RERE: variants seen among roughly 807,000 people sequenced by gnomAD.
The protein encoded by RERE is arginine-glutamic acid dipeptide repeats protein.
Under a neutral mutation model 146.1 loss-of-function variants are expected in RERE, and 40 were observed. That is an observed-to-expected ratio of 0.27 (90% CI 0.21 to 0.36). The LOEUF (loss-of-function observed/expected upper bound fraction) is 0.36, where lower values mean the gene tolerates loss of function less well. Among genes scored for constraint, RERE ranks in the 10% least tolerant of loss-of-function variants. RERE has a pLI of 1.00. For missense variants in RERE, 1,933 were observed against 2,138.7 expected (o/e 0.90, Z 1.90); for synonymous variants, 1,003 against 866.0 (o/e 1.16, Z -2.78).
chr1:8,677,750 C>T (rs761717137), intron 1 of RERE, among the ~76,000 whole-genome samples: 3 of 152,124 alleles, frequency 2.0e-5, no homozygotes, highest in Non-Finnish European at 2.9e-5. Context: ...AATAATATGA[C>T]GTATCTCATG....
intron 4 of RERE, among the ~76,000 whole-genome samples, chr1:8,583,743 G>T (rs1017294782): frequency 6.6e-6 from 1 of 151,872 alleles, no homozygotes; most frequent in Non-Finnish European, 1.5e-5. Context: ...AAATGAAAGT[G>T]AAGGAGAGGA....
Position 8,364,122 on chromosome 1 carries a change from G to A in RERE, c.1674C>T (p.Pro558=), listed in dbSNP as rs372438002. The change falls in exon 15 of 23, where the codon CCC becomes CCT. Residue 558 remains proline, a synonymous_variant. Coordinates refer to ENST00000400908, the MANE Select transcript of RERE (RefSeq NM_001042681.2). The surrounding 1 kb of genome is among the most constrained non-coding windows in gnomAD (Gnocchi z 5.1). ...TGAGCCCATCATCCTCTTCCTTGAC[G>A]GGTTTGAACATAAACGGTGGCGGGT... ...PVDPPPFMFK[P]VKEEDDGLSG... 45 of 1,614,146 alleles carry A rather than the reference G, an allele frequency of 2.8e-5. No homozygotes were observed. In the Admixed American group the frequency reaches 4.8e-4, roughly 17 times the overall value.
At chr1:8,499,516 A>G (rs1407251308) in intron 8 of RERE, among the ~76,000 whole-genome samples, 1 of 152,226 alleles carries the variant, frequency 6.6e-6, no homozygotes, top group East Asian at 1.9e-4. Flanking sequence ...GTGTGTGTAC[A>G]TCCTCCATCT....
intron 1 of RERE, among the ~76,000 whole-genome samples, chr1:8,794,357 CAAAAAAAAAAAA>C (rs34549021): frequency 2.5e-5 from 1 of 40,554 alleles, no homozygotes; most frequent in Non-Finnish European, 4.7e-5. Context: ...GACTCCGTCT[CAAAAAAAAAAAA>C]AAAAAAAAAA....
chr1:8,637,590 G>A (rs1003181151), intron 2 of RERE, among the ~76,000 whole-genome samples: 2 of 152,142 alleles, frequency 1.3e-5, no homozygotes, highest in Non-Finnish European at 2.9e-5. Context: ...TATCCTCTGT[G>A]ATACCACAGC....
At chr1:8,430,255 A>C (rs891453897) in intron 11 of RERE, among the ~76,000 whole-genome samples, 2 of 152,200 alleles carry the variant, frequency 1.3e-5, no homozygotes, top group African/African-American at 4.8e-5. Flanking sequence ...GTAAGGCACT[A>C]CTTTTTCAAT....
At chr1:8,509,895 T>G (rs537917476) in intron 7 of RERE, among the ~76,000 whole-genome samples, 1 of 152,364 alleles carries the variant, frequency 6.6e-6, no homozygotes, top group Admixed American at 6.5e-5. Flanking sequence ...CCCACTGTGT[T>G]TGAAATTGTT....
chr1:8,644,115 A>G (rs1228468524), intron 2 of RERE, among the ~76,000 whole-genome samples: 7 of 152,132 alleles, frequency 4.6e-5, no homozygotes, highest in Admixed American at 4.6e-4. Flanking sequence ...GCCCACATCT[A>G]TTTCCCCTAC....
intron 8 of RERE, among the ~76,000 whole-genome samples, chr1:8,506,689 C>T (rs914205909): frequency 1.3e-5 from 2 of 152,142 alleles, no homozygotes; most frequent in African/African-American, 2.4e-5. Context: ...ACACATGACC[C>T]AATCCATGGC....
chr1:8,458,666 G>A (rs1272674483), intron 11 of RERE, among the ~76,000 whole-genome samples: 1 of 152,114 alleles, frequency 6.6e-6, no homozygotes, highest in African/African-American at 2.4e-5. Context: ...AGTAGGGCTG[G>A]GGATGATGGA....
chr1:8,779,445 T>C (rs1318599106), intron 1 of RERE, among the ~76,000 whole-genome samples: 8 of 151,860 alleles, frequency 5.3e-5, no homozygotes, highest in Admixed American at 4.6e-4. Context: ...GTGGATCACC[T>C]GAGGTCCAGG....
intron 1 of RERE, among the ~76,000 whole-genome samples, chr1:8,784,514 CCTGGCAGA>C (rs143388780): frequency 0.025 from 3,778 of 152,086 alleles, 84 homozygotes; most frequent in Non-Finnish European, 0.034. Context: ...ATAAACTATG[CCTGGCAGA>C]TAGTAGCTGT....
In RERE at chr1:8,466,081, C is replaced by T. The variant is rs1174392042; in HGVS notation, c.1105-58G>A. 21 of 1,416,868 alleles carry T rather than the reference C, an allele frequency of 1.5e-5. No homozygotes were observed. In the Middle Eastern group the frequency reaches 8.1e-4, roughly 54 times the overall value. 87.8% of individuals were successfully genotyped at this position (1,416,868 alleles called of 1,614,324 possible). A position where few individuals can be genotyped will look rare whatever the true frequency, so the allele number is the denominator to read the frequency against. On this transcript the variant is annotated intron_variant, in intron 10 of 22. Coordinates refer to ENST00000400908, the MANE Select transcript of RERE (RefSeq NM_001042681.2). The stretch of plus-strand genomic sequence containing the variant: ...CACCAAATAACAGACAGGACACAAT[C>T]GATCCAAGGCAAGCTCCTCATTGAC...
At chr1:8,726,147 C>CTTTTTTTTTTTTTTTTTTTTTT (rs70985511) in intron 1 of RERE, among the ~76,000 whole-genome samples, 4 of 69,406 alleles carry the variant, frequency 5.8e-5, no homozygotes, top group African/African-American at 1.3e-4. Context: ...TTTTTCTTTT[C>CTTTTTTTTTTTTTTTTTTTTTT]TTTTTTTTTT....
At chr1:8,688,438 G>A (rs1639137933) in intron 1 of RERE, among the ~76,000 whole-genome samples, 1 of 152,120 alleles carries the variant, frequency 6.6e-6, no homozygotes, top group Non-Finnish European at 1.5e-5. Context: ...ACCTGCTATT[G>A]TAATCCTAGC....
In RERE at chr1:8,561,823, A is replaced by G. The variant is rs187703515; in HGVS notation, c.523-4300T>C. Among the ~76,000 whole-genome samples, 65 of 152,368 alleles carry G rather than the reference A, an allele frequency of 4.3e-4. No homozygotes were observed. The South Asian group carries it at 7.0e-3, about 17-fold the overall frequency. On this transcript the variant is annotated intron_variant, in intron 4 of 22. Coordinates refer to ENST00000400908, the MANE Select transcript of RERE (RefSeq NM_001042681.2). ...CAAAAGTATTGCTAGAAAGTTAGAC[A>G]CAGGTAATTATGTAATTCCTACTAC...
At chr1:8,709,095 T>C (rs1639616693) in intron 1 of RERE, among the ~76,000 whole-genome samples, 1 of 151,536 alleles carries the variant, frequency 6.6e-6, no homozygotes, top group Middle Eastern at 3.2e-3. Flanking sequence ...TTTTTTTGTA[T>C]TTTTTTAGTA....
chr1:8,572,275 C>T (rs976587911), intron 4 of RERE, among the ~76,000 whole-genome samples: 7 of 152,164 alleles, frequency 4.6e-5, no homozygotes, highest in African/African-American at 1.4e-4. Context: ...ACAGAATCAA[C>T]ATTTGCTGTG....
chr1:8,793,174 A>AAAAGAAAG lies in RERE; in HGVS notation c.-145+23978_-145+23985dup, dbSNP rs58369389. Among the ~76,000 whole-genome samples the AAAAGAAAG allele has an allele frequency of 2.7e-3, 339 of 127,086 alleles. 1 individual carries two copies. Among genetic ancestry groups the AAAAGAAAG allele is most frequent in the Admixed American group, 4.5e-3 (51 of 11,278 alleles). 83.4% of individuals were successfully genotyped at this position (127,086 alleles called of 152,430 possible). ...TCCATCTCCAAAAAAAAAAAAAAAAAAAAGAAAGAAAGAAAGAAAGAAGGC... is the reference window on the plus strand; with the variant it reads ...TCCATCTCCAAAAAAAAAAAAAAAAAAAAGAAAGAAAGAAAGAAAGAAAGAAAGAAGGC... On this transcript the variant is annotated intron_variant, in intron 1 of 22. Transcript: ENST00000400908.
Sources: gnomAD v4.1 joint callset for allele counts (sites outside exome capture counted in the v4.1 genomes callset) on GRCh38, gnomAD v4.1.1 for gene constraint, Gnocchi (gnomAD v3.1) non-coding constraint, MANE v1.5 for transcripts, NCBI Gene and HGNC (gene_info 2026-07-23, HGNC 2026-07-21) for gene names.